The following DSCAM variants were observed in gnomAD, a reference collection of about 807,000 sequenced individuals.
The protein encoded by DSCAM is DS cell adhesion molecule.
In DSCAM, 47 loss-of-function variants were observed where a neutral mutation model predicts 217.7. The ratio of observed to expected loss-of-function variants is 0.22; its 90% CI spans 0.17 to 0.28. DSCAM has a LOEUF of 0.28. Among genes scored for constraint, DSCAM ranks in the 10% least tolerant of loss-of-function variants. The pLI is 1.00. For synonymous variants in DSCAM, 1,056 were observed against 1,015.3 expected (o/e 1.04, Z -0.76); for missense variants, 2,080 against 2,618.3 (o/e 0.79, Z 4.49).
At chr21:40,640,167 G>A (rs1304863583) in intron 3 of DSCAM, among the ~76,000 whole-genome samples, 2 of 151,666 alleles carry the variant, frequency 1.3e-5, no homozygotes, top group Admixed American at 6.5e-5. Context: ...AAGTGGCAGA[G>A]AGGAAAATCA....
rs1342953321 is a variant in DSCAM, at chr21:40,063,688, C to T, written c.4889-789G>A. On this transcript the variant is annotated intron_variant, in intron 27 of 32. Coordinates refer to ENST00000400454, the MANE Select transcript of DSCAM (RefSeq NM_001389.5). ...ATACTGTTCAATGAACAGAACTTTC[C>T]GGAAATGGACTCAGCTGACAGTGTG... 4.6e-5 allele frequency among the ~76,000 whole-genome samples: 7 copies of T among 152,110 alleles called. No homozygotes were observed. The East Asian group carries it at 1.2e-3, about 25-fold the overall frequency.
chr21:40,139,464 G>A (rs888305292), intron 18 of DSCAM, among the ~76,000 whole-genome samples: 2 of 151,974 alleles, frequency 1.3e-5, no homozygotes, highest in Non-Finnish European at 2.9e-5. Flanking sequence ...AGAGGGGAAG[G>A]GTTGCGTTCT....
intron 3 of DSCAM, among the ~76,000 whole-genome samples, chr21:40,491,721 T>C (rs571549578): frequency 7.1e-4 from 108 of 152,286 alleles, no homozygotes; most frequent in Admixed American, 1.2e-3. Context: ...ACTCCTGCCC[T>C]AAGACCTTTG....
chr21:40,624,012 A>G (rs1328215351), intron 3 of DSCAM, among the ~76,000 whole-genome samples: 1 of 152,162 alleles, frequency 6.6e-6, no homozygotes, highest in Non-Finnish European at 1.5e-5. Flanking sequence ...TTCAGTCTTC[A>G]TATGGCGATA....
At position 40,651,767 on chromosome 21, in the gene DSCAM, A is replaced by G. The variant is rs1185290369; in HGVS notation, c.508+41043T>C. ...ATCTTGGTTTTGTTCTGATGGATATATACTCAGTTTTAGGGAATACATTAT... is the reference window on the plus strand; with the variant it reads ...ATCTTGGTTTTGTTCTGATGGATATGTACTCAGTTTTAGGGAATACATTAT... On this transcript the variant is annotated intron_variant, in intron 3 of 32. Transcript: ENST00000400454. Among the ~76,000 whole-genome samples, 3 of 152,246 alleles carry G rather than the reference A, an allele frequency of 2.0e-5. 1 individual carries two copies. Among genetic ancestry groups the G allele is most frequent in the Middle Eastern group, 6.3e-3 (2 of 316 alleles).
chr21:40,559,090 G>A (rs2076695245), intron 3 of DSCAM, among the ~76,000 whole-genome samples: 1 of 152,184 alleles, frequency 6.6e-6, no homozygotes, highest in African/African-American at 2.4e-5. Flanking sequence ...GCACAGGTAG[G>A]AGATGCAATG....
chr21:40,638,429 G>A (rs1232918697), intron 3 of DSCAM, among the ~76,000 whole-genome samples: 2 of 152,206 alleles, frequency 1.3e-5, no homozygotes, highest in African/African-American at 4.8e-5. Context: ...AGAAGCAGAT[G>A]CAAGACTATA....
chr21:40,117,084 G>A (rs540415258), intron 20 of DSCAM, among the ~76,000 whole-genome samples: 5 of 148,118 alleles, frequency 3.4e-5, no homozygotes, highest in Middle Eastern at 3.4e-3. Context: ...CTATGTAAGT[G>A]ATTTAAAAGC....
chr21:40,392,815 A>G (rs563698606), intron 3 of DSCAM, among the ~76,000 whole-genome samples: 1 of 152,324 alleles, frequency 6.6e-6, no homozygotes, highest in East Asian at 1.9e-4. Flanking sequence ...TCCACAACTC[A>G]GTGAAATTTT....
intron 17 of DSCAM, among the ~76,000 whole-genome samples, chr21:40,143,748 G>A (rs1190532698): frequency 1.3e-5 from 2 of 152,122 alleles, no homozygotes; most frequent in African/African-American, 2.4e-5. Flanking sequence ...CCAAGATCGC[G>A]CCACTGCACT....
intron 19 of DSCAM, among the ~76,000 whole-genome samples, chr21:40,130,153 T>C (rs538082427): frequency 6.6e-6 from 1 of 152,362 alleles, no homozygotes; most frequent in East Asian, 1.9e-4. Context: ...AACTAGCTTT[T>C]GCCTTCAGAG....
intron 3 of DSCAM, among the ~76,000 whole-genome samples, chr21:40,475,011 CCAAA>C (rs887829883): frequency 7.9e-5 from 12 of 152,070 alleles, no homozygotes; most frequent in South Asian, 2.1e-4. Context: ...GCCCATCACC[CCAAA>C]CAGTCAGTAG....
At chr21:40,281,218 C>G (rs757331677) in intron 10 of DSCAM, among the ~76,000 whole-genome samples, 8 of 152,160 alleles carry the variant, frequency 5.3e-5, no homozygotes, top group Non-Finnish European at 1.0e-4. Context: ...ATTTCAGCTT[C>G]TTAACTTGTA....
At position 40,156,625 on chromosome 21, in the gene DSCAM, T is replaced by A. The variant is rs535651098; in HGVS notation, c.3018+10593A>T. On this transcript the variant is annotated intron_variant, in intron 16 of 32. Transcript: ENST00000400454. Reference sequence around the variant, plus strand: ...TTTGGAACTGGGTAATGAGCTGAGGTTGGAAGAGTGTTGAGGGCTCAGAAG... The same window carrying A: ...TTTGGAACTGGGTAATGAGCTGAGGATGGAAGAGTGTTGAGGGCTCAGAAG... 3.3e-5 allele frequency among the ~76,000 whole-genome samples: 5 copies of A among 152,022 alleles called. No homozygotes were observed. The South Asian group carries it at 8.3e-4, about 25-fold the overall frequency.
intron 3 of DSCAM, among the ~76,000 whole-genome samples, chr21:40,472,851 G>A (rs927536929): frequency 6.6e-6 from 1 of 152,110 alleles, no homozygotes; most frequent in African/African-American, 2.4e-5. Flanking sequence ...CAGAAACCAG[G>A]TGCCAGTTAA....
At chr21:40,202,633 G>A (rs572309315) in intron 11 of DSCAM, among the ~76,000 whole-genome samples, 2 of 152,208 alleles carry the variant, frequency 1.3e-5, no homozygotes, top group Admixed American at 1.3e-4. Context: ...TCTACCTGAA[G>A]ATTCTTGTCC....
At chr21:40,116,781 T>C (rs1433178660) in intron 20 of DSCAM, among the ~76,000 whole-genome samples, 1 of 150,914 alleles carries the variant, frequency 6.6e-6, no homozygotes, top group Non-Finnish European at 1.5e-5. Context: ...GGCGGGCGGA[T>C]CATGAGGTCA....
intron 3 of DSCAM, among the ~76,000 whole-genome samples, chr21:40,588,516 T>C (rs2146238400): frequency 6.6e-6 from 1 of 152,266 alleles, no homozygotes; most frequent in Non-Finnish European, 1.5e-5. Context: ...TGTGGTGAAA[T>C]GGACATTTTT....
intron 32 of DSCAM, among the ~76,000 whole-genome samples, chr21:40,037,915 G>A (rs907535823): frequency 1.4e-5 from 2 of 147,914 alleles, no homozygotes; most frequent in Non-Finnish European, 3.0e-5. Context: ...AAGCAATGGG[G>A]AAAGGATTCC....
Sources: allele counts gnomAD v4.1 joint callset (sites outside exome capture counted in the v4.1 genomes callset), GRCh38; gene constraint gnomAD v4.1.1; transcripts MANE v1.5; gene names NCBI Gene and HGNC (gene_info 2026-07-23, HGNC 2026-07-21).